The following PLCB4 variants were observed in gnomAD, a reference collection of about 807,000 sequenced individuals.
PLCB4 encodes 1-phosphatidylinositol 4,5-bisphosphate phosphodiesterase beta-4.
PLCB4 carries 77 observed loss-of-function variants against 178.8 expected under a neutral mutation model. That is an observed-to-expected ratio of 0.43 (90% CI 0.36 to 0.52). PLCB4 has a LOEUF of 0.52. Among genes scored for constraint, PLCB4 ranks in the 20% least tolerant of loss-of-function variants. The pLI is 0.00. For synonymous variants in PLCB4, 496 were observed against 490.8 expected (o/e 1.01, Z -0.14); for missense variants, 1,024 against 1,453.4 (o/e 0.70, Z 4.80).
intron 2 of PLCB4, among the ~76,000 whole-genome samples, chr20:9,159,383 A>C (rs1322125097): frequency 2.6e-5 from 4 of 152,198 alleles, no homozygotes; most frequent in Admixed American, 2.6e-4. Flanking sequence ...ATGCATGATT[A>C]ACATAGGATT....
chr20:9,426,020 T>C (rs1254255391), intron 28 of PLCB4, among the ~76,000 whole-genome samples: 1 of 152,016 alleles, frequency 6.6e-6, no homozygotes, highest in Non-Finnish European at 1.5e-5. Flanking sequence ...ATCTATAGAG[T>C]CTGTGTTCCC....
At chr20:9,080,745 C>A (rs1239189564) in intron 1 of PLCB4, among the ~76,000 whole-genome samples, 3 of 152,160 alleles carry the variant, frequency 2.0e-5, no homozygotes, top group African/African-American at 7.2e-5. Flanking sequence ...ACTGAAGACT[C>A]CCCTATCACT....
In PLCB4 at chr20:9,307,814, C is replaced by A; in HGVS notation, c.-1C>A. On this transcript the variant is annotated 5_prime_UTR_variant, in exon 4 of 40. Transcript: ENST00000378473. ...TTCATTTTTAGGTCTTGAATATAAT[C>A]ATGGCCAAACCTTATGAATTTAACT... 1 of 1,577,608 alleles carries A rather than the reference C, an allele frequency of 6.3e-7. No individual in the cohort carries two copies. The highest frequency in any genetic ancestry group is 8.7e-7 in the Non-Finnish European group (1 of 1,153,644).
At chr20:9,149,770 A>G (rs1240321053) in intron 2 of PLCB4, among the ~76,000 whole-genome samples, 1 of 152,194 alleles carries the variant, frequency 6.6e-6, no homozygotes, top group Non-Finnish European at 1.5e-5. Flanking sequence ...TTGTCTCAAT[A>G]TGAGTTTCCT....
At chr20:9,406,001 T>C (rs2148488872) in intron 21 of PLCB4, among the ~76,000 whole-genome samples, 1 of 152,294 alleles carries the variant, frequency 6.6e-6, no homozygotes, top group Non-Finnish European at 1.5e-5. Context: ...AATATTAAAC[T>C]TGAAAGAATT....
intron 30 of PLCB4, among the ~76,000 whole-genome samples, chr20:9,441,502 G>A (rs1248470230): frequency 6.6e-6 from 1 of 152,134 alleles, no homozygotes. Flanking sequence ...CAGTGGACAT[G>A]GATAGAGATG....
chr20:9,168,077 G>T (rs1464793322), intron 2 of PLCB4, among the ~76,000 whole-genome samples: 1 of 151,948 alleles, frequency 6.6e-6, no homozygotes, highest in African/African-American at 2.4e-5. Flanking sequence ...ATTACCTGTT[G>T]GAAAAAAACC....
intron 4 of PLCB4, among the ~76,000 whole-genome samples, chr20:9,319,156 C>T (rs774470246): frequency 5.3e-5 from 8 of 152,146 alleles, no homozygotes; most frequent in Admixed American, 2.0e-4. Flanking sequence ...AATGAACAGT[C>T]AGATGAAATA....
chr20:9,336,307 T>G (rs1219206051), intron 4 of PLCB4, among the ~76,000 whole-genome samples: 1 of 152,192 alleles, frequency 6.6e-6, no homozygotes, highest in African/African-American at 2.4e-5. Context: ...CTCTCATTCC[T>G]AAGCACAGTG....
intron 2 of PLCB4, among the ~76,000 whole-genome samples, chr20:9,108,271 T>A (rs2091441850): frequency 6.6e-6 from 1 of 151,826 alleles, no homozygotes; most frequent in African/African-American, 2.4e-5. Flanking sequence ...ACTAGAAAAG[T>A]GAATGTGGAC....
chr20:9,430,837 A>G (rs1283010095), intron 28 of PLCB4, among the ~76,000 whole-genome samples: 1 of 152,214 alleles, frequency 6.6e-6, no homozygotes, highest in Non-Finnish European at 1.5e-5. Flanking sequence ...TTCTAGCAGG[A>G]GGTCTCCAGG....
intron 2 of PLCB4, among the ~76,000 whole-genome samples, chr20:9,130,125 C>T (rs918398885): frequency 1.3e-5 from 2 of 152,116 alleles, no homozygotes; most frequent in Non-Finnish European, 2.9e-5. Flanking sequence ...ATGCAGCCGA[C>T]AATGTAAGTC....
chr20:9,362,183 G>C (rs939986751), intron 7 of PLCB4, among the ~76,000 whole-genome samples: 1 of 152,274 alleles, frequency 6.6e-6, no homozygotes, highest in East Asian at 1.9e-4. Flanking sequence ...TCAGTTTTTG[G>C]ACCCAAGGGC....
chr20:9,236,071 C>G (rs190125978), intron 3 of PLCB4, among the ~76,000 whole-genome samples: 1 of 152,256 alleles, frequency 6.6e-6, no homozygotes, highest in Non-Finnish European at 1.5e-5. Context: ...ATGCGGGATC[C>G]CCCTTCAGGG....
At chr20:9,213,069 C>A (rs975722314) in intron 2 of PLCB4, among the ~76,000 whole-genome samples, 4 of 143,116 alleles carry the variant, frequency 2.8e-5, no homozygotes, top group African/African-American at 1.0e-4. Context: ...GTGGACATTT[C>A]ATATACATGG....
At position 9,373,047 on chromosome 20, in the gene PLCB4, C is replaced by T. The variant is rs1209593673; in HGVS notation, c.687C>T (p.Ile229=). The T allele has an allele frequency of 6.8e-7, 1 of 1,461,156 alleles. No homozygotes were observed. The allele number at this position is 1,461,156 out of a possible 1,614,324, so 90.5% of individuals were successfully genotyped here. The change falls in exon 12 of 40, where the codon ATC becomes ATT. Residue 229 remains isoleucine (I), a splice_region_variant and synonymous_variant. Coordinates refer to ENST00000378473, the MANE Select transcript of PLCB4 (RefSeq NM_001377142.1). ...RTDIEDLFKK[I]NGDKTDYLTV... ...CTTTTTCTAATAAATTTCTTTTCAG[C>T]AATGGAGACAAAACTGATTATTTAA...
At chr20:9,080,049 A>G (rs1400070814) in intron 1 of PLCB4, among the ~76,000 whole-genome samples, 1 of 152,206 alleles carries the variant, frequency 6.6e-6, no homozygotes, top group Non-Finnish European at 1.5e-5. Flanking sequence ...TTTATTTAAA[A>G]TGTCAGGTAC....
intron 4 of PLCB4, among the ~76,000 whole-genome samples, chr20:9,316,901 TC>T (rs1468626094): frequency 6.6e-6 from 1 of 152,180 alleles, no homozygotes; most frequent in Non-Finnish European, 1.5e-5. Flanking sequence ...CTCCCAAAGC[TC>T]AGAGCTCATT....
At chr20:9,379,908 AG>A (rs1377199908) in intron 12 of PLCB4, 145 bp from the exon 13 acceptor site, 1 of 523,756 alleles carries the variant, frequency 1.9e-6, no homozygotes, top group Non-Finnish European at 3.4e-6. Context: ...TTAAGGAGAA[AG>A]GCAGGAAGGC....
Sources: allele counts gnomAD v4.1 joint callset (sites outside exome capture counted in the v4.1 genomes callset), GRCh38; gene constraint gnomAD v4.1.1; transcripts MANE v1.5; gene names NCBI Gene and HGNC (gene_info 2026-07-23, HGNC 2026-07-21).